Variants in IFT81 observed in about 807,000 individuals in gnomAD.
The protein encoded by IFT81 is intraflagellar transport 81.
A neutral mutation model predicts 102.6 loss-of-function variants in IFT81; 72 were observed. The ratio of observed to expected loss-of-function variants is 0.70; its 90% CI spans 0.58 to 0.85. The LOEUF (loss-of-function observed/expected upper bound fraction) is 0.85, where lower values mean the gene tolerates loss of function less well. Ranked by LOEUF, IFT81 falls within the 40% of genes least tolerant of loss-of-function variation. IFT81 has a pLI of 0.00. For missense variants in IFT81, 723 were observed against 787.3 expected, an observed-to-expected ratio of 0.92 and a Z score of 0.98; for synonymous variants, 237 against 242.7, an observed-to-expected ratio of 0.98 and a Z score of 0.22.
intron 17 of IFT81, among the ~76,000 whole-genome samples, chr12:110,206,551 C>T (rs1475038850): frequency 5.3e-5 from 8 of 151,844 alleles, no homozygotes; most frequent in African/African-American, 1.5e-4. Context: ...GGTGGGCGCC[C>T]GTAGTCCCAG....
rs1467589377 is a variant in IFT81, at chr12:110,218,038, T to A, written c.1849-6T>A. 2 of 1,577,432 alleles carry A rather than the reference T, an allele frequency of 1.3e-6. No homozygotes were observed. Among genetic ancestry groups the A allele is most frequent in the Non-Finnish European group, 1.7e-6 (2 of 1,160,072 alleles). On this transcript the variant is annotated splice_region_variant and splice_polypyrimidine_tract_variant and intron_variant, in intron 18 of 18. Coordinates refer to ENST00000242591, the MANE Select transcript of IFT81 (RefSeq NM_014055.4). ...TTTAATTATTCTTGTTTTTTTTTAA[T>A]GATAGAAACTTCGGGAAAAACAAAA... is the stretch of plus-strand genomic sequence containing the variant.
intron 10 of IFT81, among the ~76,000 whole-genome samples, chr12:110,156,914 GA>G (rs1459895443): frequency 1.3e-5 from 2 of 152,098 alleles, no homozygotes; most frequent in Non-Finnish European, 2.9e-5. Flanking sequence ...TTTCTGATTA[GA>G]AATTTGCTGA....
At chr12:110,128,286 A>C (rs533591070) in intron 3 of IFT81, 137 bp downstream of exon 3, 21 of 604,266 alleles carry the variant, frequency 3.5e-5, no homozygotes, top group Non-Finnish European at 5.6e-5. Context: ...GTTTCAAAAT[A>C]ATCTTAAACC....
At chr12:110,158,553 A>T (rs1157151159) in intron 10 of IFT81, among the ~76,000 whole-genome samples, 1 of 150,244 alleles carries the variant, frequency 6.7e-6, no homozygotes, top group East Asian at 2.0e-4. Context: ...TTTCCTTTAG[A>T]TGTGTCATAT....
In IFT81 at chr12:110,132,607, T is replaced by C. The variant is rs1470682866; in HGVS notation, c.490T>C (p.Ser164Pro). Residue 164 changes from serine (S) to proline (P), a missense_variant, in exon 5 of 19, where the codon TCT becomes CCT. Ser to Pro is a moderately conservative substitution (Grantham distance 74). Coordinates refer to ENST00000242591, the MANE Select transcript of IFT81 (RefSeq NM_014055.4). ...LHKEYEQLKISGFSTAEIRKD... is the reference protein window; with the variant it reads ...LHKEYEQLKIPGFSTAEIRKD... ...TAAAGAATATGAGCAGCTCAAGATA[T>C]CTGGATTTTCTACAGCAGAAATAAG... 7.0e-6 allele frequency: 11 copies of C among 1,581,376 alleles called. No homozygotes were observed. The highest frequency in any genetic ancestry group is 1.4e-5 in the African/African-American group (1 of 73,864).
chr12:110,149,025 A>T (rs1026310937), intron 10 of IFT81, among the ~76,000 whole-genome samples: 3 of 152,184 alleles, frequency 2.0e-5, no homozygotes, highest in Non-Finnish European at 4.4e-5. Context: ...AGTATCCTTA[A>T]TGATGCTCAA....
chr12:110,187,825 G>A (rs576448555), intron 12 of IFT81, among the ~76,000 whole-genome samples: 13 of 152,096 alleles, frequency 8.5e-5, no homozygotes, highest in South Asian at 6.2e-4. Flanking sequence ...TATAGTTCTC[G>A]TACCTGTGGT....
chr12:110,132,346 G>C (rs1394581187), intron 4 of IFT81, among the ~76,000 whole-genome samples: 1 of 151,986 alleles, frequency 6.6e-6, no homozygotes, highest in African/African-American at 2.4e-5. Flanking sequence ...TGTAATCCCA[G>C]GTACTCAGGA....
At chr12:110,165,275 C>T (rs552322571) in intron 11 of IFT81, among the ~76,000 whole-genome samples, 1 of 152,110 alleles carries the variant, frequency 6.6e-6, no homozygotes, top group Admixed American at 6.5e-5. Context: ...TCTTGGTATA[C>T]CAGTTTTATT....
intron 11 of IFT81, among the ~76,000 whole-genome samples, chr12:110,176,691 A>G (rs1464910648): frequency 6.6e-6 from 1 of 152,236 alleles, no homozygotes; most frequent in Non-Finnish European, 1.5e-5. Flanking sequence ...AGCCCTTAGA[A>G]TGCTTTGATG....
intron 18 of IFT81, among the ~76,000 whole-genome samples, chr12:110,217,543 TTTTTTGTTTGTTTG>T (rs1229883510): frequency 6.6e-6 from 1 of 152,030 alleles, no homozygotes; most frequent in Admixed American, 6.6e-5. Context: ...TTGTGTAGTT[TTTTTTGTTTGTTTG>T]TTTTTGTTTT....
At chr12:110,133,333 C>T (rs1355017598) in intron 5 of IFT81, among the ~76,000 whole-genome samples, 2 of 151,822 alleles carry the variant, frequency 1.3e-5, no homozygotes. Flanking sequence ...TTCAAGAATA[C>T]TTTAGTAGGC....
intron 17 of IFT81, among the ~76,000 whole-genome samples, chr12:110,208,134 TGTTA>T (rs1868923185): frequency 1.3e-5 from 2 of 152,192 alleles, no homozygotes; most frequent in Non-Finnish European, 2.9e-5. Context: ...TATATATGTG[TGTTA>T]GTTAATGCAT....
intron 10 of IFT81, among the ~76,000 whole-genome samples, chr12:110,159,500 G>A (rs139114521): frequency 7.9e-5 from 12 of 152,194 alleles, no homozygotes; most frequent in Non-Finnish European, 1.3e-4. Context: ...GCATTTCCCC[G>A]GACATGTGTC....
At chr12:110,213,717 A>G (rs1034343916) in intron 18 of IFT81, among the ~76,000 whole-genome samples, 12 of 152,208 alleles carry the variant, frequency 7.9e-5, no homozygotes, top group Admixed American at 6.5e-4. Flanking sequence ...CTGGTTTTCA[A>G]AATGATGAGT....
intron 11 of IFT81, among the ~76,000 whole-genome samples, chr12:110,175,443 T>A (rs1896991810): frequency 6.6e-6 from 1 of 152,238 alleles, no homozygotes; most frequent in South Asian, 2.1e-4. Flanking sequence ...GTCCAGAGAC[T>A]GTTAGTTTCT....
intron 10 of IFT81, among the ~76,000 whole-genome samples, chr12:110,148,479 CT>C (rs796152227): frequency 1.6e-4 from 23 of 147,102 alleles, no homozygotes; most frequent in Admixed American, 2.1e-4. Context: ...AGCTGGACTA[CT>C]TTTTTTTTTT....
At chr12:110,180,647 CATT>C in intron 12 of IFT81, 76 bp downstream of exon 12, 1 of 1,043,072 alleles carries the variant, frequency 9.6e-7, no homozygotes, top group Non-Finnish European at 1.4e-6. Flanking sequence ...ATACTGAAGT[CATT>C]GTTTTTACTG....
intron 12 of IFT81, among the ~76,000 whole-genome samples, chr12:110,181,642 T>C (rs1254982290): frequency 6.6e-6 from 1 of 152,254 alleles, no homozygotes; most frequent in Non-Finnish European, 1.5e-5. Flanking sequence ...AGCCATGATA[T>C]TCACATCTTC....
Sources: allele counts gnomAD v4.1 joint callset (sites outside exome capture counted in the v4.1 genomes callset), GRCh38; gene constraint gnomAD v4.1.1; transcripts MANE v1.5; gene names NCBI Gene and HGNC (gene_info 2026-07-23, HGNC 2026-07-21).